Variants in TRIM5 observed in about 807,000 individuals in gnomAD.
TRIM5 encodes tripartite motif containing 5.
In TRIM5, 31 loss-of-function variants were observed where a neutral mutation model predicts 35.6. The ratio of observed to expected loss-of-function variants is 0.87; its 90% CI spans 0.65 to 1.18. TRIM5 has a LOEUF of 1.18. Among genes scored for constraint, TRIM5 ranks in the 50% most tolerant of loss-of-function variants. The probability of loss-of-function intolerance (pLI) is 0.00; values close to 1 mark genes in which losing one functional copy is unlikely to be tolerated. For synonymous variants in TRIM5, 243 were observed against 215.6 expected, an observed-to-expected ratio of 1.13 and a Z score of -1.11; for missense variants, 609 against 591.6, an observed-to-expected ratio of 1.03 and a Z score of -0.31.
chr11:5,601,832 A>G, the TRIM5 span, among the ~76,000 whole-genome samples: 1 of 152,216 alleles, frequency 6.6e-6, no homozygotes, highest in Non-Finnish European at 1.5e-5. Context: ...GAAGGCGAGC[A>G]TGTGGTGAGA....
intron 3 of TRIM5, 36 bp from the exon 4 acceptor site, chr11:5,678,470 C>G: frequency 6.8e-7 from 1 of 1,465,706 alleles, no homozygotes; most frequent in African/African-American, 1.4e-5. Context: ...GGCACTCAGT[C>G]TACCAGGCAG....
intron 4 of TRIM5, among the ~76,000 whole-genome samples, chr11:5,677,492 T>G (rs1241379440): frequency 6.6e-6 from 1 of 152,214 alleles, no homozygotes; most frequent in Admixed American, 6.5e-5. Context: ...AGGAACACTT[T>G]TACACTGTTG....
At chr11:5,596,699 C>T in the TRIM5 span, 1 of 785,442 alleles carries the variant, frequency 1.3e-6, no homozygotes, top group African/African-American at 1.8e-5. Flanking sequence ...CGTTCAACGG[C>T]CAAAGGCTGG....
chr11:5,663,014 C>T (rs1276848940), downstream of TRIM5, among the ~76,000 whole-genome samples: 4 of 152,100 alleles, frequency 2.6e-5, no homozygotes, highest in African/African-American at 9.7e-5. Context: ...ACTGTAGTCC[C>T]AGCTACTCAG....
chr11:5,619,051 G>A, the TRIM5 span, among the ~76,000 whole-genome samples: 1 of 152,164 alleles, frequency 6.6e-6, no homozygotes, highest in African/African-American at 2.4e-5. Context: ...ACGGTGATAT[G>A]AGGGTAGCCT....
chr11:5,641,152 C>G, the TRIM5 span: 1 of 1,609,676 alleles, frequency 6.2e-7, no homozygotes, highest in Admixed American at 1.7e-5. Flanking sequence ...CTCATGTTTT[C>G]TCTTTTCTTT....
chr11:5,621,328 G>T, the TRIM5 span, among the ~76,000 whole-genome samples: 1 of 152,170 alleles, frequency 6.6e-6, no homozygotes, highest in Non-Finnish European at 1.5e-5. Flanking sequence ...TCCTGCACTG[G>T]TGTCTCTAGA....
chr11:5,634,610 C>G, the TRIM5 span: 1 of 1,602,550 alleles, frequency 6.2e-7, no homozygotes, highest in East Asian at 2.2e-5. Context: ...TACTACAACT[C>G]TCTCTTGTCC....
chr11:5,628,384 G>C, the TRIM5 span, among the ~76,000 whole-genome samples: 1 of 152,240 alleles, frequency 6.6e-6, no homozygotes, highest in Non-Finnish European at 1.5e-5. Flanking sequence ...TAAACTCCTT[G>C]TCTTACTAGT....
At chr11:5,665,549 A>G (rs1341277745) in intron 7 of TRIM5, 107 bp downstream of exon 7, 1 of 1,572,052 alleles carries the variant, frequency 6.4e-7, no homozygotes. Context: ...AAGGAGAATC[A>G]TAAATCTTAA....
chr11:5,614,151 T>C, the TRIM5 span, among the ~76,000 whole-genome samples: 3 of 152,180 alleles, frequency 2.0e-5, no homozygotes, highest in Admixed American at 1.3e-4. Flanking sequence ...GCTCAACTAC[T>C]ATGAAAAAGA....
chr11:5,663,007 G>A (rs1193873989), downstream of TRIM5, among the ~76,000 whole-genome samples: 3 of 152,160 alleles, frequency 2.0e-5, no homozygotes, highest in Non-Finnish European at 4.4e-5. Flanking sequence ...GTGCGTGACT[G>A]TAGTCCCAGC....
At chr11:5,672,168 G>A (rs1590246153) in intron 4 of TRIM5, among the ~76,000 whole-genome samples, 1 of 152,182 alleles carries the variant, frequency 6.6e-6, no homozygotes. Flanking sequence ...GATGAAGACT[G>A]AGAGAATTTG....
chr11:5,633,839 G>A, the TRIM5 span: 1 of 1,614,050 alleles, frequency 6.2e-7, no homozygotes, highest in Non-Finnish European at 8.5e-7. Context: ...GGCTGAAGAA[G>A]GAAGAGGAGG....
At chr11:5,661,041 C>CAAAAAAAAAA (rs61394016), downstream of TRIM5, among the ~76,000 whole-genome samples, 5 of 37,142 alleles carry the variant, frequency 1.3e-4, no homozygotes, top group South Asian at 1.6e-3. Flanking sequence ...GACTCCGTCT[C>CAAAAAAAAAA]AAAAAAAAAA....
At chr11:5,658,380 C>A (rs1850701484), downstream of TRIM5, among the ~76,000 whole-genome samples, 1 of 152,180 alleles carries the variant, frequency 6.6e-6, no homozygotes, top group Non-Finnish European at 1.5e-5. Context: ...AGAGCTACTA[C>A]CACTCGATAA....
At chr11:5,653,503 T>G in the TRIM5 span, among the ~76,000 whole-genome samples, 1 of 151,064 alleles carries the variant, frequency 6.6e-6, no homozygotes, top group Non-Finnish European at 1.5e-5. Context: ...TTTGTTTTTT[T>G]TTTTTTGAGA....
chr11:5,604,978 C>T, the TRIM5 span, among the ~76,000 whole-genome samples: 11 of 152,068 alleles, frequency 7.2e-5, no homozygotes, highest in Admixed American at 2.0e-4. Flanking sequence ...TGTGAAGAAG[C>T]CCAGATCTGA....
chr11:5,644,080 A>G, the TRIM5 span: 5 of 412,968 alleles, frequency 1.2e-5, no homozygotes, highest in Non-Finnish European at 2.1e-5. Context: ...ACCAACATCA[A>G]CTAAAGGTTC....
Sources: allele counts gnomAD v4.1 joint callset (sites outside exome capture counted in the v4.1 genomes callset), GRCh38; gene constraint gnomAD v4.1.1; transcripts MANE v1.5; gene names NCBI Gene and HGNC (gene_info 2026-07-23, HGNC 2026-07-21).